KLHDC2: variants seen among roughly 807,000 people sequenced by gnomAD.
The protein encoded by KLHDC2 is kelch domain-containing protein 2.
A neutral mutation model predicts 62.3 loss-of-function variants in KLHDC2; 38 were observed. The observed-to-expected ratio is 0.61, with a 90% CI of 0.47 to 0.80. The LOEUF is 0.80. Ranked by LOEUF, KLHDC2 falls within the 30% of genes least tolerant of loss-of-function variation. The probability of loss-of-function intolerance (pLI) is 0.00; values close to 1 mark genes in which losing one functional copy is unlikely to be tolerated. For synonymous variants in KLHDC2, 159 were observed against 161.0 expected, an observed-to-expected ratio of 0.99 and a Z score of 0.09; for missense variants, 430 against 495.3, an observed-to-expected ratio of 0.87 and a Z score of 1.25.
intron 2 of KLHDC2, among the ~76,000 whole-genome samples, chr14:49,773,866 G>A (rs970600297): frequency 2.6e-5 from 4 of 152,004 alleles, no homozygotes; most frequent in African/African-American, 9.7e-5. Context: ...ATGAGCCACC[G>A]CGCCCAGCCA....
intron 3 of KLHDC2, among the ~76,000 whole-genome samples, chr14:49,775,707 A>G (rs1486817844): frequency 7.0e-6 from 1 of 143,442 alleles, no homozygotes; most frequent in Non-Finnish European, 1.5e-5. Flanking sequence ...GCTTACTGCA[A>G]TCTCCGCCTC....
chr14:49,782,864 A>ATGTT lies in KLHDC2; in HGVS notation c.1133_1136dup (p.Leu379PhefsTer18). The ATGTT allele has an allele frequency of 6.2e-7, 1 of 1,613,944 alleles. No individual in the cohort carries two copies. Among genetic ancestry groups the ATGTT allele is most frequent in the Non-Finnish European group, 8.5e-7 (1 of 1,179,890 alleles). On this transcript the variant is annotated frameshift_variant, in exon 13 of 13. Coordinates refer to ENST00000298307, the MANE Select transcript of KLHDC2 (RefSeq NM_014315.3). LOFTEE classifies it high-confidence loss of function. Reference sequence around the variant, plus strand: ...AGAAGCAGTCATTTGCTTTAAAGAAATGTTAGCCAACTCATGGAACTGCCT... The same window carrying ATGTT: ...AGAAGCAGTCATTTGCTTTAAAGAAATGTTTGTTAGCCAACTCATGGAACTGCCT...
At chr14:49,777,668 A>C (rs1440452159) in intron 3 of KLHDC2, 171 bp from the exon 4 acceptor site, 2 of 457,308 alleles carry the variant, frequency 4.4e-6, no homozygotes, top group Non-Finnish European at 7.7e-6. Context: ...GTTGGTATTC[A>C]GTCACAGAAT....
chr14:49,777,620 A>G (rs975031282), intron 3 of KLHDC2, among the ~76,000 whole-genome samples: 1 of 152,018 alleles, frequency 6.6e-6, no homozygotes, highest in Non-Finnish European at 1.5e-5. Context: ...TGAAAAAAAA[A>G]ATTAGTTGAG....
In KLHDC2 at chr14:49,768,466, A is replaced by C. The variant is rs535457286; in HGVS notation, c.-3A>C. 6.2e-7 allele frequency: 1 copy of C among 1,608,672 alleles called. No homozygotes were observed. The highest frequency in any genetic ancestry group is 1.4e-5 in the African/African-American group (1 of 74,034). ...TGTTGGTTAGCAAAAGTGCAGCCTC[A>C]AGATGGCTGATGGCAACGAGGATCT... On this transcript the variant is annotated 5_prime_UTR_variant, in exon 1 of 13. Transcript: ENST00000298307.
intron 3 of KLHDC2, among the ~76,000 whole-genome samples, chr14:49,777,572 A>G (rs1889798619): frequency 6.6e-6 from 1 of 151,010 alleles, no homozygotes; most frequent in Non-Finnish European, 1.5e-5. Context: ...CAGCCTGGCA[A>G]GAGAGACCCT....
rs1465970624 is a variant in KLHDC2 at position 49,777,964 on chromosome 14, C to T, written c.467+10C>T. On this transcript the variant is annotated intron_variant, in intron 4 of 12. Transcript: ENST00000298307. ...GGGTATATAAAAACAAGTAAGTTGGCAGCACTACAGGTTTGGGTTTTTATG... is the reference window on the plus strand; with the variant it reads ...GGGTATATAAAAACAAGTAAGTTGGTAGCACTACAGGTTTGGGTTTTTATG... 2.6e-6 allele frequency: 4 copies of T among 1,513,366 alleles called. No individual in the cohort carries two copies. The highest frequency in any genetic ancestry group is 1.7e-5 in the Admixed American group (1 of 57,376). The allele number at this position is 1,513,366 out of a possible 1,614,324, so 93.7% of individuals were successfully genotyped here.
chr14:49,778,438 G>C lies in KLHDC2; in HGVS notation c.577G>C (p.Asp193His), dbSNP rs1025089146. The change falls in exon 6 of 13, where the codon GAT becomes CAT. Residue 193 changes from aspartate (D) to histidine (H), a missense_variant. By Grantham distance (81) the Asp-to-His change is moderately conservative (BLOSUM62 -1). Coordinates refer to ENST00000298307, the MANE Select transcript of KLHDC2 (RefSeq NM_014315.3). ...TTCAAGTCATCCAAGAGGATGGAAT[G>C]ATCATGTACATATTTTAGATACTGA... is the stretch of plus-strand genomic sequence containing the variant. ...WNSSHPRGWN[D>H]HVHILDTETF... The C allele has an allele frequency of 1.3e-6, 2 of 1,587,416 alleles. No homozygotes were observed. The highest frequency in any genetic ancestry group is 1.3e-5 in the African/African-American group (1 of 74,188).
intron 2 of KLHDC2, among the ~76,000 whole-genome samples, chr14:49,773,445 T>TA (rs1324305561): frequency 7.2e-6 from 1 of 139,638 alleles, no homozygotes; most frequent in Non-Finnish European, 1.5e-5. Flanking sequence ...TAAGGCCAGG[T>TA]ATGGTGGCTC....
intron 8 of KLHDC2, 48 bp downstream of exon 8, chr14:49,779,854 C>G (rs1285131263): frequency 7.9e-7 from 1 of 1,269,720 alleles, no homozygotes; most frequent in Admixed American, 1.7e-5. Context: ...ATTGTTTTTA[C>G]CCTATATTCC....
chr14:49,782,886 G>A lies in KLHDC2; in HGVS notation c.1154G>A (p.Cys385Tyr). 1.9e-6 allele frequency: 3 copies of A among 1,613,550 alleles called. No individual in the cohort carries two copies. Among genetic ancestry groups the A allele is most frequent in the Non-Finnish European group, 2.5e-6 (3 of 1,179,550 alleles). The change falls in exon 13 of 13, where the codon TGC (cysteine) becomes TAC (tyrosine). Residue 385 changes from cysteine (C) to tyrosine (Y), a missense_variant. Cys to Tyr is a radical substitution (Grantham distance 194). Transcript: ENST00000298307. Reference sequence around the variant, plus strand: ...GAAATGTTAGCCAACTCATGGAACTGCCTTCCAAAACACTTACTTCACAGT... The same window carrying A: ...GAAATGTTAGCCAACTCATGGAACTACCTTCCAAAACACTTACTTCACAGT... ...FKEMLANSWN[C>Y]LPKHLLHSVN...
intron 1 of KLHDC2, among the ~76,000 whole-genome samples, chr14:49,770,076 A>G (rs1889630830): frequency 1.3e-5 from 2 of 152,170 alleles, no homozygotes; most frequent in South Asian, 2.1e-4. Flanking sequence ...CTAATTCATA[A>G]TTGTATTTTT....
chr14:49,774,984 T>G, intron 3 of KLHDC2: 1 of 278,240 alleles, frequency 3.6e-6, no homozygotes, highest in Non-Finnish European at 6.8e-6. Context: ...AGTAATAAAA[T>G]TGCAGACAAA....
chr14:49,769,578 G>A (rs1790715866), intron 1 of KLHDC2, among the ~76,000 whole-genome samples: 1 of 152,202 alleles, frequency 6.6e-6, no homozygotes, highest in Non-Finnish European at 1.5e-5. Flanking sequence ...AACTGCAAAA[G>A]TAATTTTTTG....
intron 2 of KLHDC2, among the ~76,000 whole-genome samples, chr14:49,773,655 C>T (rs1350645479): frequency 6.8e-6 from 1 of 147,482 alleles, no homozygotes; most frequent in African/African-American, 2.5e-5. Flanking sequence ...CGACTCGCTG[C>T]AAGCTCCGCC....
chr14:49,780,816 T>C (rs145313692), intron 10 of KLHDC2, 41 bp downstream of exon 10: 1 of 1,082,910 alleles, frequency 9.2e-7, no homozygotes, highest in African/African-American at 1.5e-5. Flanking sequence ...GCATAAGACA[T>C]AAGAATTGAG....
rs199573412 is a variant in KLHDC2, at chr14:49,774,597, T to A, written c.270T>A (p.Ser90=). ...KINTEGDVPP[S]MSGSCAVCVD... ...ACACTGAAGGTGATGTTCCTCCTTC[T>A]ATGTCAGGAAGCTGTGCTGTGTGTG... The change falls in exon 3 of 13, where the codon TCT becomes TCA. Residue 90 remains serine (S), a synonymous_variant. Coordinates refer to ENST00000298307, the MANE Select transcript of KLHDC2 (RefSeq NM_014315.3). 8 of 1,613,984 alleles carry A rather than the reference T, an allele frequency of 5.0e-6. No individual in the cohort carries two copies. The African/African-American group carries it at 1.1e-4, about 22-fold the overall frequency.
rs184357329 is a variant in KLHDC2, at chr14:49,773,075, A to G, written c.233+1402A>G. ...TCTTTTTCTAGAGAATTGGAAATTTATAATTGTATTCTCTTAAAAGCAGAA... is the reference window on the plus strand; with the variant it reads ...TCTTTTTCTAGAGAATTGGAAATTTGTAATTGTATTCTCTTAAAAGCAGAA... On this transcript the variant is annotated intron_variant, in intron 2 of 12. Coordinates refer to ENST00000298307, the MANE Select transcript of KLHDC2 (RefSeq NM_014315.3). Among the ~76,000 whole-genome samples, 6 of 152,346 alleles carry G rather than the reference A, an allele frequency of 3.9e-5. No individual in the cohort carries two copies. The East Asian group carries it at 1.2e-3, about 29-fold the overall frequency.
intron 1 of KLHDC2, among the ~76,000 whole-genome samples, chr14:49,769,609 G>A (rs947262646): frequency 6.6e-6 from 1 of 152,176 alleles, no homozygotes; most frequent in Non-Finnish European, 1.5e-5. Flanking sequence ...TGAATCTGCA[G>A]TGTTTTCCCC....
Sources: allele counts gnomAD v4.1 joint callset (sites outside exome capture counted in the v4.1 genomes callset), GRCh38; gene constraint gnomAD v4.1.1; transcripts MANE v1.5; gene names NCBI Gene and HGNC (gene_info 2026-07-23, HGNC 2026-07-21).